Variants in C10orf90 observed in about 807,000 individuals in gnomAD.
C10orf90 encodes (E2-independent) E3 ubiquitin-conjugating enzyme FATS.
A neutral mutation model predicts 62.5 loss-of-function variants in C10orf90; 56 were observed. The ratio of observed to expected loss-of-function variants is 0.90; its 90% CI spans 0.72 to 1.12. The LOEUF is 1.12. Among genes scored for constraint, C10orf90 ranks in the 50% most tolerant of loss-of-function variants. The pLI is 0.00. For missense variants in C10orf90, 970 were observed against 880.4 expected (o/e 1.10, Z -1.29); for synonymous variants, 386 against 340.4 (o/e 1.13, Z -1.47).
intron 4 of C10orf90, 21 bp downstream of exon 4, chr10:126,503,936 G>T: frequency 6.3e-7 from 1 of 1,591,182 alleles, no homozygotes. Context: ...TCACCCTCCT[G>T]CAGATGGACG....
intron 2 of C10orf90, among the ~76,000 whole-genome samples, chr10:126,595,149 A>T (rs1172908463): frequency 6.6e-6 from 1 of 152,156 alleles, no homozygotes; most frequent in East Asian, 1.9e-4. Flanking sequence ...CTGGATTCCA[A>T]CTCTCACTGT....
chr10:126,437,948 T>C (rs980613757), intron 7 of C10orf90, among the ~76,000 whole-genome samples: 10 of 152,342 alleles, frequency 6.6e-5, no homozygotes, highest in Non-Finnish European at 1.2e-4. Context: ...CTCATATAAT[T>C]GGTATGGATG....
At chr10:126,537,856 TC>T (rs1864274743) in intron 2 of C10orf90, among the ~76,000 whole-genome samples, 1 of 152,210 alleles carries the variant, frequency 6.6e-6, no homozygotes, top group African/African-American at 2.4e-5. Context: ...CAGAATGTGA[TC>T]TTATTTGAAA....
intron 4 of C10orf90, among the ~76,000 whole-genome samples, chr10:126,475,906 T>C (rs980616396): frequency 5.9e-5 from 9 of 152,162 alleles, no homozygotes; most frequent in African/African-American, 2.2e-4. Flanking sequence ...TTGATACGTA[T>C]TCAACGTCCA....
At chr10:126,607,403 GA>G in intron 2 of C10orf90, among the ~76,000 whole-genome samples, 1 of 152,312 alleles carries the variant, frequency 6.6e-6, no homozygotes, top group South Asian at 2.1e-4. Flanking sequence ...TAACTTGAAA[GA>G]AATACTAACA....
At chr10:126,614,160 CT>C (rs1845494227) in intron 2 of C10orf90, among the ~76,000 whole-genome samples, 1 of 152,132 alleles carries the variant, frequency 6.6e-6, no homozygotes, top group African/African-American at 2.4e-5. Flanking sequence ...AATCTGAGGT[CT>C]TTCAGGGACA....
chr10:126,466,833 T>G (rs776899276), intron 4 of C10orf90, among the ~76,000 whole-genome samples: 19 of 152,280 alleles, frequency 1.2e-4, no homozygotes, highest in Non-Finnish European at 2.1e-4. Context: ...TTGGAGACGT[T>G]TGACTACCTA....
intron 2 of C10orf90, among the ~76,000 whole-genome samples, chr10:126,600,366 T>C (rs556049781): frequency 6.6e-6 from 1 of 152,110 alleles, no homozygotes; most frequent in Non-Finnish European, 1.5e-5. Context: ...CTTGTGGCCA[T>C]TGGATGAAAA....
chr10:126,631,028 G>A (rs1045394802), intron 2 of C10orf90, among the ~76,000 whole-genome samples: 3 of 152,166 alleles, frequency 2.0e-5, no homozygotes, highest in Non-Finnish European at 2.9e-5. Context: ...CCTCTAGAAG[G>A]GGCCACAGCA....
Position 126,456,839 on chromosome 10 carries a change from C to T in C10orf90, c.2188+2201G>A, listed in dbSNP as rs528660226. 2.0e-5 allele frequency among the ~76,000 whole-genome samples: 3 copies of T among 152,214 alleles called. No individual in the cohort carries two copies. The highest frequency in any genetic ancestry group is 1.3e-4 in the Admixed American group (2 of 15,280). Reference sequence around the variant, plus strand: ...AGGAACATCAAGGATTGCAGGAAGCCGCCAGGAGCAGGGAGGGAGGCTGGA... The same window carrying T: ...AGGAACATCAAGGATTGCAGGAAGCTGCCAGGAGCAGGGAGGGAGGCTGGA... On this transcript the variant is annotated intron_variant, in intron 7 of 9. Transcript: ENST00000488181. This position sits in a 1 kb window ranked among gnomAD's most constrained non-coding sequence, Gnocchi z 4.9.
At chr10:126,463,877 G>A (rs968063978) in intron 5 of C10orf90, among the ~76,000 whole-genome samples, 19 of 152,220 alleles carry the variant, frequency 1.2e-4, no homozygotes, top group Non-Finnish European at 2.6e-4. Context: ...CTGGCATACA[G>A]TAGGTGCTTA....
At chr10:126,481,415 C>T (rs1256139626) in intron 4 of C10orf90, among the ~76,000 whole-genome samples, 1 of 152,260 alleles carries the variant, frequency 6.6e-6, no homozygotes, top group African/African-American at 2.4e-5. Context: ...TGTCAAGTGA[C>T]TTATATCATC....
intron 2 of C10orf90, among the ~76,000 whole-genome samples, chr10:126,586,632 A>C (rs866430121): frequency 9.2e-5 from 14 of 152,128 alleles, no homozygotes; most frequent in African/African-American, 2.7e-4. Flanking sequence ...ACATTTTCTT[A>C]ATTGGGTCCC....
intron 4 of C10orf90, among the ~76,000 whole-genome samples, chr10:126,497,294 T>C (rs1591014026): frequency 6.6e-6 from 1 of 152,208 alleles, no homozygotes; most frequent in Middle Eastern, 3.4e-3. Flanking sequence ...CAGGATGGTA[T>C]TGGTCAGAAA....
intron 2 of C10orf90, among the ~76,000 whole-genome samples, chr10:126,581,792 C>T (rs1005874117): frequency 6.6e-6 from 1 of 152,202 alleles, no homozygotes; most frequent in African/African-American, 2.4e-5. Flanking sequence ...TCCCAGCAGA[C>T]TTTGCTGCCA....
At chr10:126,521,548 C>T in intron 2 of C10orf90, 1 of 1,064,784 alleles carries the variant, frequency 9.4e-7, no homozygotes, top group Non-Finnish European at 1.3e-6. Context: ...GCATACAAGC[C>T]CACCTTGTGA....
chr10:126,508,170 A>AGAGAGG (rs1213792561), intron 3 of C10orf90, among the ~76,000 whole-genome samples: 3 of 151,532 alleles, frequency 2.0e-5, no homozygotes, highest in African/African-American at 7.3e-5. Flanking sequence ...AGAGAGAGAG[A>AGAGAGG]GAGAGAGAGA....
chr10:126,554,572 G>A lies in C10orf90; in HGVS notation c.314-40633C>T, dbSNP rs141890832. ...AACATAATGAAAATCCACTAAGCAC[G>A]GTGCAAAGTGCATAGCAATCACTCA... On this transcript the variant is annotated intron_variant, in intron 2 of 9. Coordinates refer to ENST00000488181, the MANE Select transcript of C10orf90 (RefSeq NM_001350921.2). Among the ~76,000 whole-genome samples, 29 of 152,226 alleles carry A rather than the reference G, an allele frequency of 1.9e-4. 1 individual carries two copies. The East Asian group carries it at 5.2e-3, about 27-fold the overall frequency.
At chr10:126,434,460 C>T (rs949423949) in intron 7 of C10orf90, among the ~76,000 whole-genome samples, 1 of 152,152 alleles carries the variant, frequency 6.6e-6, no homozygotes, top group East Asian at 1.9e-4. Context: ...ATCAAGTTCA[C>T]ACGATTTATT....
Sources: gnomAD v4.1 joint callset for allele counts (sites outside exome capture counted in the v4.1 genomes callset) on GRCh38, gnomAD v4.1.1 for gene constraint, Gnocchi (gnomAD v3.1) non-coding constraint, MANE v1.5 for transcripts, NCBI Gene and HGNC (gene_info 2026-07-23, HGNC 2026-07-21) for gene names.